Variants in ALDH3A2 observed in about 807,000 individuals in gnomAD.
ALDH3A2 encodes the protein aldehyde dehydrogenase 3 family member A2.
In ALDH3A2, 36 loss-of-function variants were observed where a neutral mutation model predicts 51.3. The ratio of observed to expected loss-of-function variants is 0.70; its 90% CI spans 0.54 to 0.93. ALDH3A2 has a LOEUF of 0.93. Ranked by LOEUF, ALDH3A2 falls within the 40% of genes least tolerant of loss-of-function variation. The pLI, the probability that ALDH3A2 is intolerant of heterozygous loss-of-function variation, is 0.00. For missense variants in ALDH3A2, 552 were observed against 603.1 expected, an observed-to-expected ratio of 0.92 and a Z score of 0.89; for synonymous variants, 199 against 219.8, an observed-to-expected ratio of 0.91 and a Z score of 0.84.
intron 6 of ALDH3A2, 66 bp downstream of exon 6, chr17:19,661,334 T>C (rs749974163): frequency 1.9e-6 from 3 of 1,557,172 alleles, no homozygotes; most frequent in African/African-American, 2.7e-5. Context: ...ACACTACTTA[T>C]TAACACTAGA....
intron 6 of ALDH3A2, chr17:19,662,015 A>G (rs1427957162): frequency 6.6e-6 from 1 of 152,090 alleles, no homozygotes; most frequent in Non-Finnish European, 1.5e-5. Context: ...TCTTTGTACT[A>G]GGATGCAAAA....
intron 9 of ALDH3A2, chr17:19,672,279 T>A: frequency 2.6e-6 from 1 of 390,560 alleles, no homozygotes; most frequent in East Asian, 5.5e-5. Context: ...GCGTAGAACT[T>A]GATTGCAGAA....
At chr17:19,656,027 C>G in intron 3 of ALDH3A2, 1 of 369,618 alleles carries the variant, frequency 2.7e-6, no homozygotes, top group South Asian at 2.2e-5. Context: ...GTGGGAGCCA[C>G]TCTTCACCAG....
At chr17:19,666,105 G>A (rs1687314271) in intron 8 of ALDH3A2, among the ~76,000 whole-genome samples, 1 of 152,082 alleles carries the variant, frequency 6.6e-6, no homozygotes, top group Non-Finnish European at 1.5e-5. Flanking sequence ...ATTGGAAATG[G>A]TGGTGGCTTG....
At chr17:19,660,215 C>T (rs1356287256) in intron 5 of ALDH3A2, among the ~76,000 whole-genome samples, 1 of 152,044 alleles carries the variant, frequency 6.6e-6, no homozygotes, top group Non-Finnish European at 1.5e-5. Context: ...CCTAGTGAGC[C>T]ATTTAAAAAC....
intron 8 of ALDH3A2, among the ~76,000 whole-genome samples, chr17:19,666,657 G>A (rs1487678412): frequency 3.9e-5 from 6 of 151,944 alleles, no homozygotes; most frequent in Non-Finnish European, 7.4e-5. Context: ...CGTGCCTGTA[G>A]TCCCAGCTAC....
chr17:19,665,376 C>CGTGTGTGTGT (rs34642385), intron 8 of ALDH3A2, among the ~76,000 whole-genome samples: 238 of 145,028 alleles, frequency 1.6e-3, no homozygotes, highest in African/African-American at 5.3e-3. Context: ...GATCTCTCTT[C>CGTGTGTGTGT]GTGTGTGTGT....
intron 3 of ALDH3A2, chr17:19,656,032 C>A (rs1347040390): frequency 8.1e-6 from 3 of 372,126 alleles, no homozygotes; most frequent in Non-Finnish European, 1.6e-5. Context: ...AGCCACTCTT[C>A]ACCAGAGGCA....
intron 6 of ALDH3A2, among the ~76,000 whole-genome samples, chr17:19,662,247 C>G (rs2084975880): frequency 6.6e-6 from 1 of 152,164 alleles, no homozygotes; most frequent in Non-Finnish European, 1.5e-5. Context: ...TGACTTCGAG[C>G]TGGGATCATC....
chr17:19,648,935 C>T lies in ALDH3A2; in HGVS notation c.-37C>T. Reference sequence around the variant, plus strand: ...ATGCTTCCCGCCTCCCACTCCCCAGCGCCCCCGGACCGTGCAGTTCTCTGC... The same window carrying T: ...ATGCTTCCCGCCTCCCACTCCCCAGTGCCCCCGGACCGTGCAGTTCTCTGC... On this transcript the variant is annotated 5_prime_UTR_variant, in exon 1 of 10. Coordinates refer to ENST00000176643, the MANE Select transcript of ALDH3A2 (RefSeq NM_000382.3). 7.7e-6 allele frequency: 12 copies of T among 1,551,990 alleles called. No homozygotes were observed. Among genetic ancestry groups the T allele is most frequent in the Non-Finnish European group, 1.0e-5 (12 of 1,147,720 alleles).
chr17:19,657,206 C>G (rs1223508443), intron 4 of ALDH3A2, among the ~76,000 whole-genome samples: 1 of 152,168 alleles, frequency 6.6e-6, no homozygotes, highest in African/African-American at 2.4e-5. Context: ...TTGTCAAAAC[C>G]AGACACCCTC....
intron 9 of ALDH3A2, chr17:19,673,228 G>C (rs372135777): frequency 9.9e-6 from 16 of 1,614,192 alleles, no homozygotes; most frequent in Non-Finnish European, 1.0e-5. Flanking sequence ...CCAGTAAGCA[G>C]AGATGAACAC....
chr17:19,652,756 A>G, intron 3 of ALDH3A2, 124 bp downstream of exon 3: 1 of 820,966 alleles, frequency 1.2e-6, no homozygotes. Context: ...AGCCTTCAAC[A>G]GTTGGCTTAG....
rs897271458 is a variant in ALDH3A2 at position 19,676,914 on chromosome 17, G to A, written c.*1342G>A. On this transcript the variant is annotated 3_prime_UTR_variant, in exon 10 of 10. Coordinates refer to ENST00000176643, the MANE Select transcript of ALDH3A2 (RefSeq NM_000382.3). Reference sequence around the variant, plus strand: ...GACTTTGGGGTTTGAGAGCATCATGGGGCAGACAGATGGTGGATGGTCTGG... The same window carrying A: ...GACTTTGGGGTTTGAGAGCATCATGAGGCAGACAGATGGTGGATGGTCTGG... 6.6e-6 allele frequency: 1 copy of A among 152,216 alleles called. No homozygotes were observed. Among genetic ancestry groups the A allele is most frequent in the African/African-American group, 2.4e-5 (1 of 41,440 alleles). 9.4% of individuals were successfully genotyped at this position (152,216 alleles called of 1,614,324 possible). A position where few individuals can be genotyped will look rare whatever the true frequency, so the allele number is the denominator to read the frequency against.
chr17:19,653,142 G>A (rs1421590543), intron 3 of ALDH3A2, among the ~76,000 whole-genome samples: 1 of 151,160 alleles, frequency 6.6e-6, no homozygotes, highest in Non-Finnish European at 1.5e-5. Context: ...CCTCCTGGGT[G>A]CAAGCGATTC....
intron 9 of ALDH3A2, 137 bp from the exon 10 acceptor site, chr17:19,675,421 C>A: frequency 2.2e-6 from 2 of 905,204 alleles, no homozygotes. Flanking sequence ...ATATGTAGTC[C>A]TTTTTTGTAC....
chr17:19,653,497 G>A (rs1398286291), intron 3 of ALDH3A2, among the ~76,000 whole-genome samples: 3 of 152,192 alleles, frequency 2.0e-5, no homozygotes, highest in Non-Finnish European at 2.9e-5. Context: ...TGGTGGGTTC[G>A]TGGTCTTGCT....
chr17:19,652,317 G>A (rs2084826944), intron 2 of ALDH3A2, among the ~76,000 whole-genome samples: 1 of 152,158 alleles, frequency 6.6e-6, no homozygotes, highest in South Asian at 2.1e-4. Flanking sequence ...CTGGAGGAGT[G>A]GGAAAGGCTG....
chr17:19,669,690 A>G (rs973242636), intron 8 of ALDH3A2, among the ~76,000 whole-genome samples: 1 of 152,092 alleles, frequency 6.6e-6, no homozygotes, highest in African/African-American at 2.4e-5. Context: ...GCCAGAGTAC[A>G]GTGGTGCAAT....
Sources: allele counts gnomAD v4.1 joint callset (sites outside exome capture counted in the v4.1 genomes callset), GRCh38; gene constraint gnomAD v4.1.1; transcripts MANE v1.5; gene names NCBI Gene and HGNC (gene_info 2026-07-23, HGNC 2026-07-21).